Variants in IMPG2 observed in about 807,000 individuals in gnomAD.
IMPG2 encodes interphotoreceptor matrix proteoglycan 2, also known as IPM 200.
IMPG2 carries 91 observed loss-of-function variants against 129.2 expected under a neutral mutation model. That is an observed-to-expected ratio of 0.70 (90% confidence interval 0.59 to 0.84). The LOEUF (loss-of-function observed/expected upper bound fraction) is 0.84. Ranked by LOEUF, IMPG2 falls within the 40% of genes least tolerant of loss-of-function variation. The pLI is 0.00. For synonymous variants in IMPG2, 510 were observed against 517.7 expected, an observed-to-expected ratio of 0.99 and a Z score of 0.20; for missense variants, 1,430 against 1,461.7, an observed-to-expected ratio of 0.98 and a Z score of 0.35.
At chr3:101,230,806 C>G (rs1706276827) in intron 16 of IMPG2, 151 bp downstream of exon 16, 18 of 689,266 alleles carry the variant, frequency 2.6e-5, no homozygotes, top group Non-Finnish European at 4.1e-5. Flanking sequence ...AATTTGACAC[C>G]CCTTTGAGGA....
At chr3:101,310,559 CAAAAAAAAAAAA>C (rs199570786) in intron 2 of IMPG2, among the ~76,000 whole-genome samples, 2 of 126,504 alleles carry the variant, frequency 1.6e-5, no homozygotes, top group African/African-American at 3.4e-5. Flanking sequence ...GACCCTGTCT[CAAAAAAAAAAAA>C]AAAAAAAAAA....
intron 14 of IMPG2, among the ~76,000 whole-genome samples, chr3:101,236,094 G>A (rs1706343028): frequency 6.6e-6 from 1 of 152,194 alleles, no homozygotes; most frequent in Non-Finnish European, 1.5e-5. Context: ...TGTTGGAGGT[G>A]CTTTGAGCAG....
chr3:101,232,718 G>A (rs567821814), intron 15 of IMPG2, 63 bp downstream of exon 15: 36 of 1,368,596 alleles, frequency 2.6e-5, no homozygotes, highest in Non-Finnish European at 3.6e-5. Flanking sequence ...ATAGGTGCAG[G>A]CCCCTTTTCT....
At chr3:101,247,864 T>C (rs1706498934) in intron 11 of IMPG2, among the ~76,000 whole-genome samples, 2 of 152,304 alleles carry the variant, frequency 1.3e-5, no homozygotes, top group Non-Finnish European at 1.5e-5. Context: ...CCCATATTTA[T>C]AAGTCTATCA....
In IMPG2 at chr3:101,276,839, A is replaced by G. The variant is rs1378082647; in HGVS notation, c.534-126T>C. ...CAAGTAAGGGCTCCCAAGCAAAAGT[A>G]CCAAAAAGCAAAGTTTTTTAAAATT... On this transcript the variant is annotated intron_variant, in intron 4 of 18. Transcript: ENST00000193391. 4.4e-6 allele frequency: 3 copies of G among 675,240 alleles called. No individual in the cohort carries two copies. The Admixed American group carries it at 8.3e-5, about 19-fold the overall frequency. 41.8% of individuals were successfully genotyped at this position (675,240 alleles called of 1,614,324 possible).
Position 101,226,236 on chromosome 3 carries a change from TATATATATATATATA to T in IMPG2, c.*718_*732del, listed in dbSNP as rs1391093476. The T allele has an allele frequency of 1.6e-4, 1 of 6,174 alleles. No homozygotes were observed. The highest frequency in any genetic ancestry group is 4.1e-4 in the African/African-American group (1 of 2,450). The allele number at this position is 6,174 out of a possible 1,614,324, so 0.4% of individuals were successfully genotyped here. ...GAATCTTCTAAACTTTATATATATA[TATATATATATATATA>T]TATATATATATATATATATATATAT... On this transcript the variant is annotated 3_prime_UTR_variant, in exon 19 of 19. Coordinates refer to ENST00000193391, the MANE Select transcript of IMPG2 (RefSeq NM_016247.4).
chr3:101,310,129 A>G (rs1027578859), intron 2 of IMPG2, among the ~76,000 whole-genome samples: 1 of 152,234 alleles, frequency 6.6e-6, no homozygotes, highest in Non-Finnish European at 1.5e-5. Context: ...AGTAGTACAT[A>G]TAAGATTTAT....
intron 12 of IMPG2, 58 bp from the exon 13 acceptor site, chr3:101,244,845 TCTC>T: frequency 6.8e-7 from 1 of 1,461,660 alleles, no homozygotes; most frequent in Non-Finnish European, 9.5e-7. Flanking sequence ...TATTCCTAGT[TCTC>T]CTAATAAAAC....
chr3:101,271,400 C>A (rs1420798099), intron 7 of IMPG2, among the ~76,000 whole-genome samples: 1 of 152,140 alleles, frequency 6.6e-6, no homozygotes, highest in African/African-American at 2.4e-5. Context: ...TATAGATATC[C>A]AGTTGCATGA....
chr3:101,234,261 A>T (rs1468621089), intron 14 of IMPG2, among the ~76,000 whole-genome samples: 2 of 151,350 alleles, frequency 1.3e-5, no homozygotes, highest in Non-Finnish European at 2.9e-5. Flanking sequence ...ACAGGAAACA[A>T]GGCTATCTGG....
chr3:101,272,294 T>A (rs1706793939), intron 7 of IMPG2, among the ~76,000 whole-genome samples: 1 of 152,138 alleles, frequency 6.6e-6, no homozygotes, highest in Non-Finnish European at 1.5e-5. Context: ...GTTTGAGACA[T>A]GATCCCCTGC....
chr3:101,272,814 A>G (rs961507097), intron 7 of IMPG2, among the ~76,000 whole-genome samples: 1 of 152,210 alleles, frequency 6.6e-6, no homozygotes, highest in African/African-American at 2.4e-5. Flanking sequence ...AAGGTAATGG[A>G]ATTGATAAAC....
At position 101,226,797 on chromosome 3, in the gene IMPG2, C is replaced by A. The variant is rs957678886; in HGVS notation, c.*172G>T. 2.5e-5 allele frequency: 16 copies of A among 642,168 alleles called. No individual in the cohort carries two copies. The Admixed American group carries it at 3.7e-4, about 15-fold the overall frequency. 39.8% of individuals were successfully genotyped at this position (642,168 alleles called of 1,614,324 possible). A position where few individuals can be genotyped will look rare whatever the true frequency, so the allele number is the denominator to read the frequency against. ...GAAATAAAAATGGTAACATCTCTTA[C>A]TACATTCTGAAAACTTAAGCTGAAA... is the stretch of plus-strand genomic sequence containing the variant. On this transcript the variant is annotated 3_prime_UTR_variant, in exon 19 of 19. Transcript: ENST00000193391.
chr3:101,267,798 CT>C (rs535204795), intron 8 of IMPG2, among the ~76,000 whole-genome samples: 30 of 151,992 alleles, frequency 2.0e-4, no homozygotes, highest in African/African-American at 6.8e-4. Context: ...CATAAAGAAA[CT>C]TTTTTCAGTA....
intron 4 of IMPG2, among the ~76,000 whole-genome samples, chr3:101,286,489 T>C (rs778285422): frequency 8.5e-5 from 13 of 152,166 alleles, no homozygotes; most frequent in Admixed American, 8.5e-4. Flanking sequence ...CCTAATTCTA[T>C]GACAAGATAA....
rs181859217 is a variant in IMPG2 at position 101,264,251 on chromosome 3, T to C, written c.908+3260A>G. Among the ~76,000 whole-genome samples the C allele has an allele frequency of 1.6e-4, 25 of 151,782 alleles. No individual in the cohort carries two copies. In the East Asian group the frequency reaches 2.7e-3, roughly 16 times the overall value. The stretch of plus-strand genomic sequence containing the variant: ...AAACAAGACACGTACCTGACAAAAA[T>C]TGAAAACTACAGGGCAAAATCCCTG... On this transcript the variant is annotated intron_variant, in intron 9 of 18. Transcript: ENST00000193391.
chr3:101,283,171 C>T (rs769695587), intron 4 of IMPG2, among the ~76,000 whole-genome samples: 18 of 152,094 alleles, frequency 1.2e-4, no homozygotes, highest in Non-Finnish European at 1.8e-4. Context: ...TACAGGTGCA[C>T]GCCACCATGC....
intron 11 of IMPG2, among the ~76,000 whole-genome samples, chr3:101,248,809 A>AT (rs1211546712): frequency 6.6e-6 from 1 of 152,132 alleles, no homozygotes; most frequent in Non-Finnish European, 1.5e-5. Context: ...ATTGGTTCCT[A>AT]TTTTAAGTGG....
intron 3 of IMPG2, among the ~76,000 whole-genome samples, chr3:101,302,162 C>T (rs991206995): frequency 1.3e-5 from 2 of 152,152 alleles, no homozygotes; most frequent in African/African-American, 2.4e-5. Flanking sequence ...CACATCATTC[C>T]CTTCATCTGC....
Sources: gnomAD v4.1 joint callset for allele counts (sites outside exome capture counted in the v4.1 genomes callset) on GRCh38, gnomAD v4.1.1 for gene constraint, MANE v1.5 for transcripts, NCBI Gene and HGNC (gene_info 2026-07-23, HGNC 2026-07-21) for gene names.